The following GPR158 variants were observed in gnomAD, a reference collection of about 807,000 sequenced individuals.
GPR158 encodes the protein G protein-coupled receptor 158, also known as metabotropic glycine receptor.
GPR158 carries 30 observed loss-of-function variants against 78.2 expected under a neutral mutation model. The ratio of observed to expected loss-of-function variants is 0.38; its 90% CI spans 0.29 to 0.52. The LOEUF (loss-of-function observed/expected upper bound fraction) is 0.52, where lower values mean the gene tolerates loss of function less well. Among genes scored for constraint, GPR158 ranks in the 20% least tolerant of loss-of-function variants. The pLI is 0.83. For missense variants in GPR158, 1,463 were observed against 1,523.5 expected (o/e 0.96, Z 0.66); for synonymous variants, 581 against 591.1 (o/e 0.98, Z 0.25).
chr10:25,519,536 G>A lies in GPR158; in HGVS notation c.1405-31440G>A, dbSNP rs1266657369. Among the ~76,000 whole-genome samples, 972 of 136,664 alleles carry A rather than the reference G, an allele frequency of 7.1e-3. 12 individuals are homozygous for A. The highest frequency in any genetic ancestry group is 0.03 in the African/African-American group (910 of 30,654). The allele number at this position is 136,664 out of a possible 152,430, so 89.7% of individuals were successfully genotyped here. A position where few individuals can be genotyped will look rare whatever the true frequency, so the allele number is the denominator to read the frequency against. ...CCGGTTGTTCCTTTCCATGTTTAGC[G>A]CTTCCTTCAGGAGCTCTTTTAGGGC... On this transcript the variant is annotated intron_variant, in intron 5 of 10. Transcript: ENST00000376351.
At chr10:25,241,380 TC>T (rs1853624216) in intron 2 of GPR158, among the ~76,000 whole-genome samples, 1 of 129,706 alleles carries the variant, frequency 7.7e-6, no homozygotes, top group Non-Finnish European at 1.6e-5. Flanking sequence ...TTCTCTCTTC[TC>T]TTCTCTTCTC....
chr10:25,272,086 A>C (rs1161501594), intron 2 of GPR158, among the ~76,000 whole-genome samples: 2 of 152,124 alleles, frequency 1.3e-5, no homozygotes, highest in African/African-American at 4.8e-5. Context: ...GCTGTCTGAA[A>C]TCTAGATCAA....
chr10:25,396,584 A>C (rs1834365522), intron 3 of GPR158, among the ~76,000 whole-genome samples: 1 of 151,996 alleles, frequency 6.6e-6, no homozygotes, highest in Non-Finnish European at 1.5e-5. Flanking sequence ...GGATCGCTTG[A>C]GCTCAGGAGT....
chr10:25,356,880 T>A (rs71495435), intron 2 of GPR158, among the ~76,000 whole-genome samples: 1 of 151,696 alleles, frequency 6.6e-6, no homozygotes, highest in African/African-American at 2.4e-5. Context: ...ACAGGCAGAG[T>A]TTGGATCAGT....
intron 2 of GPR158, among the ~76,000 whole-genome samples, chr10:25,373,363 A>G (rs1409811958): frequency 6.6e-6 from 1 of 151,982 alleles, no homozygotes; most frequent in African/African-American, 2.4e-5. Context: ...CTGGGTGGCC[A>G]AATAATTTGT....
intron 2 of GPR158, among the ~76,000 whole-genome samples, chr10:25,385,975 A>T (rs1834217322): frequency 6.6e-6 from 1 of 152,064 alleles, no homozygotes; most frequent in South Asian, 2.1e-4. Flanking sequence ...ATGTAGTCCC[A>T]TTTGTCTATT....
chr10:25,388,851 G>C (rs1020401574), intron 2 of GPR158, among the ~76,000 whole-genome samples: 4 of 152,234 alleles, frequency 2.6e-5, no homozygotes, highest in African/African-American at 9.6e-5. Flanking sequence ...CCATTGCCTG[G>C]CCTCTCCTTG....
chr10:25,277,330 G>A (rs1483839330), intron 2 of GPR158, among the ~76,000 whole-genome samples: 1 of 151,968 alleles, frequency 6.6e-6, no homozygotes, highest in Non-Finnish European at 1.5e-5. Flanking sequence ...TAATGAGTAG[G>A]ATAGCACTAT....
chr10:25,461,012 G>GTT (rs1229862747), intron 4 of GPR158, among the ~76,000 whole-genome samples: 1 of 152,166 alleles, frequency 6.6e-6, no homozygotes, highest in Non-Finnish European at 1.5e-5. Flanking sequence ...GAACTTAAGT[G>GTT]ATCAATGTTG....
intron 2 of GPR158, among the ~76,000 whole-genome samples, chr10:25,228,803 A>G (rs1856702): frequency 0.13 from 20,236 of 152,040 alleles, 1,796 homozygotes; most frequent in East Asian, 0.28. Context: ...AGGCCAAGGC[A>G]GACGGATCAC....
chr10:25,270,396 G>A (rs1344765666), intron 2 of GPR158, among the ~76,000 whole-genome samples: 2 of 152,086 alleles, frequency 1.3e-5, no homozygotes, highest in Non-Finnish European at 2.9e-5. Context: ...GAAATTGTCT[G>A]TAAAATAGAG....
intron 5 of GPR158, among the ~76,000 whole-genome samples, chr10:25,523,733 C>T (rs1317329939): frequency 6.6e-6 from 1 of 152,142 alleles, no homozygotes; most frequent in East Asian, 1.9e-4. Context: ...TAGCAGACAT[C>T]TGTAGAATAC....
chr10:25,213,253 A>T (rs2130672497), intron 1 of GPR158, among the ~76,000 whole-genome samples: 1 of 152,102 alleles, frequency 6.6e-6, no homozygotes, highest in African/African-American at 2.4e-5. Flanking sequence ...GGAACATCTT[A>T]AAAAAAACTT....
chr10:25,291,586 C>A (rs1367202737), intron 2 of GPR158, among the ~76,000 whole-genome samples: 1 of 151,800 alleles, frequency 6.6e-6, no homozygotes, highest in African/African-American at 2.4e-5. Context: ...AGTTAGCATA[C>A]CTTAATGCAT....
At chr10:25,510,775 C>G (rs996738062) in intron 5 of GPR158, among the ~76,000 whole-genome samples, 1 of 152,208 alleles carries the variant, frequency 6.6e-6, no homozygotes, top group East Asian at 1.9e-4. Context: ...TGAGCTCCCA[C>G]TTATGTGTAA....
At chr10:25,485,866 A>G (rs1835728216) in intron 5 of GPR158, among the ~76,000 whole-genome samples, 1 of 152,032 alleles carries the variant, frequency 6.6e-6, no homozygotes, top group African/African-American at 2.4e-5. Flanking sequence ...TGAAAACCTA[A>G]CCCCCAAGAT....
At chr10:25,386,569 G>T (rs1338387925) in intron 2 of GPR158, among the ~76,000 whole-genome samples, 1 of 147,278 alleles carries the variant, frequency 6.8e-6, no homozygotes, top group East Asian at 1.9e-4. Context: ...TCAATTCAGT[G>T]TTGCAATGAA....
At chr10:25,384,567 A>T (rs766962793) in intron 2 of GPR158, among the ~76,000 whole-genome samples, 36 of 152,306 alleles carry the variant, frequency 2.4e-4, no homozygotes, top group Non-Finnish European at 2.9e-5. Context: ...GCATTTAAAG[A>T]TCCATTTCTA....
In GPR158 at chr10:25,370,675, C is replaced by G. The variant is rs915588987; in HGVS notation, c.1009-25236C>G. On this transcript the variant is annotated intron_variant, in intron 2 of 10. Transcript: ENST00000376351. ...TTGGGGTGGAGAGTTCTGTAGATGT[C>G]TATTAGGTCCGCTTGATGCAGAGCT... Among the ~76,000 whole-genome samples the G allele has an allele frequency of 5.9e-3, 893 of 150,200 alleles. 14 individuals carry two copies. Among genetic ancestry groups the G allele is most frequent in the African/African-American group, 0.021 (848 of 40,818 alleles).
Sources: gnomAD v4.1 joint callset for allele counts (sites outside exome capture counted in the v4.1 genomes callset) on GRCh38, gnomAD v4.1.1 for gene constraint, MANE v1.5 for transcripts, NCBI Gene and HGNC (gene_info 2026-07-23, HGNC 2026-07-21) for gene names.